KDM2B: variants seen among roughly 807,000 people sequenced by gnomAD.
KDM2B encodes the protein lysine demethylase 2B.
KDM2B carries 26 observed loss-of-function variants against 150.0 expected under a neutral mutation model. The observed-to-expected ratio is 0.17, with a 90% confidence interval of 0.13 to 0.24. The LOEUF is 0.24. Ranked by LOEUF, KDM2B falls within the 10% of genes least tolerant of loss-of-function variation. The probability of loss-of-function intolerance (pLI) is 1.00; values close to 1 mark genes in which losing one functional copy is unlikely to be tolerated. For missense variants in KDM2B, 1,265 were observed against 1,816.9 expected, an observed-to-expected ratio of 0.70 and a Z score of 5.52; for synonymous variants, 734 against 729.5, an observed-to-expected ratio of 1.01 and a Z score of -0.10.
chr12:121,580,256 G>C (rs567669968), intron 1 of KDM2B: 57 of 1,276,730 alleles, frequency 4.5e-5, no homozygotes, highest in East Asian at 9.1e-5. Flanking sequence ...CAGTTGTGGG[G>C]GGGGGGAGGC....
At chr12:121,451,579 G>A (rs550253659) in intron 13 of KDM2B, among the ~76,000 whole-genome samples, 3 of 152,308 alleles carry the variant, frequency 2.0e-5, no homozygotes, top group South Asian at 2.1e-4. Context: ...CAGGCAAGAG[G>A]TGAAAGCAAT....
rs1194995379 is a variant in KDM2B at position 121,467,113 on chromosome 12, G to C, written c.1735-13769C>G. The C allele has an allele frequency of 9.2e-7, 1 of 1,090,552 alleles. No homozygotes were observed. The highest frequency in any genetic ancestry group is 1.1e-6 in the Non-Finnish European group (1 of 872,080). The allele number at this position is 1,090,552 out of a possible 1,614,324, so 67.6% of individuals were successfully genotyped here. A position where few individuals can be genotyped will look rare whatever the true frequency, so the allele number is the denominator to read the frequency against. On this transcript the variant is annotated intron_variant, in intron 12 of 22. Coordinates refer to ENST00000377071, the MANE Select transcript of KDM2B (RefSeq NM_032590.5). This position sits in a 1 kb window ranked among gnomAD's most constrained non-coding sequence, Gnocchi z 5.1. Reference sequence around the variant, plus strand: ...GGCGCGTCAGACAGGCGGTCGGGAGGTCGTGCGGCGGGTCCCTCCCTCAGC... The same window carrying C: ...GGCGCGTCAGACAGGCGGTCGGGAGCTCGTGCGGCGGGTCCCTCCCTCAGC...
At position 121,442,115 on chromosome 12, in the gene KDM2B, G is replaced by GCCT; in HGVS notation, c.3284+39_3284+41dup. 1.3e-6 allele frequency: 2 copies of GCCT among 1,557,798 alleles called. No individual in the cohort carries two copies. Among genetic ancestry groups the GCCT allele is most frequent in the Non-Finnish European group, 1.8e-6 (2 of 1,131,238 alleles). ...CACACCACGGGCCATCCCTGGTGCC[G>GCCT]CCTGAGCCTTAACCTAGAGCCCTAC... On this transcript the variant is annotated intron_variant, in intron 19 of 22. Transcript: ENST00000377071. This position sits in a 1 kb window ranked among gnomAD's most constrained non-coding sequence, Gnocchi z 7.7.
At chr12:121,443,650 G>T (rs371229389) in intron 17 of KDM2B, 30 bp downstream of exon 17, 85 of 1,381,496 alleles carry the variant, frequency 6.2e-5, no homozygotes, top group Non-Finnish European at 8.6e-5. Flanking sequence ...AGTCCCCGGG[G>T]CCTCAGGAGG....
At chr12:121,458,163 G>A (rs1166415359) in intron 12 of KDM2B, among the ~76,000 whole-genome samples, 7 of 151,418 alleles carry the variant, frequency 4.6e-5, no homozygotes, top group South Asian at 2.1e-4. Flanking sequence ...TAGGCAGATC[G>A]CTTGAGCTCA....
intron 4 of KDM2B, among the ~76,000 whole-genome samples, chr12:121,568,188 G>T (rs1392799402): frequency 1.3e-5 from 2 of 152,070 alleles, no homozygotes; most frequent in East Asian, 3.9e-4. Context: ...CGAAACAAAG[G>T]CCAGGTGCAG....
rs782062461 is a variant in KDM2B at position 121,509,746 on chromosome 12, A to G, written c.1468T>C (p.Tyr490His). 162 of 1,613,972 alleles carry G rather than the reference A, an allele frequency of 1.0e-4. No homozygotes were observed. Among genetic ancestry groups the G allele is most frequent in the Middle Eastern group, 3.3e-4 (2 of 6,084 alleles). ...GGAGAGCCGGTGGGGGTCTTGGGGT[A>G]GTCTACGGCCAATGTGGTGGACTTC... is the stretch of plus-strand genomic sequence containing the variant. ...SVKSTTLAVDYPKTPTGSPAT... is the reference protein window; with the variant it reads ...SVKSTTLAVDHPKTPTGSPAT... Residue 490 changes from tyrosine (Y) to histidine (H), a missense_variant, in exon 11 of 23, where the codon TAC becomes CAC. Transcript: ENST00000377071.
At chr12:121,526,744 T>C (rs1887167048) in intron 8 of KDM2B, among the ~76,000 whole-genome samples, 1 of 151,784 alleles carries the variant, frequency 6.6e-6, no homozygotes, top group Non-Finnish European at 1.5e-5. Context: ...ATTTAAAAAT[T>C]TTTTTAGCCG....
intron 17 of KDM2B, 168 bp downstream of exon 17, chr12:121,443,512 C>G (rs1051159679): frequency 9.7e-6 from 6 of 620,976 alleles, no homozygotes; most frequent in African/African-American, 1.8e-5. Flanking sequence ...TAGGCACAGA[C>G]AGCTTCCCAG....
chr12:121,567,765 T>C (rs1477503436), intron 4 of KDM2B, among the ~76,000 whole-genome samples: 1 of 147,890 alleles, frequency 6.8e-6, no homozygotes, highest in Non-Finnish European at 1.5e-5. Context: ...GGCTGGAGTA[T>C]AGTGGTGCAA....
At chr12:121,551,764 G>A (rs1344757355) in intron 4 of KDM2B, among the ~76,000 whole-genome samples, 2 of 151,950 alleles carry the variant, frequency 1.3e-5, no homozygotes, top group African/African-American at 4.8e-5. Context: ...TATTGGCCAG[G>A]CTGGTCTTGA....
chr12:121,559,346 G>A (rs781836107), intron 4 of KDM2B, among the ~76,000 whole-genome samples: 3 of 151,780 alleles, frequency 2.0e-5, no homozygotes, highest in Non-Finnish European at 2.9e-5. Flanking sequence ...TCTATGGGAG[G>A]GGTGGGAGGG....
intron 12 of KDM2B, among the ~76,000 whole-genome samples, chr12:121,490,036 G>T (rs1317067902): frequency 1.3e-5 from 2 of 152,218 alleles, no homozygotes; most frequent in African/African-American, 4.8e-5. Flanking sequence ...GGACCCGCCG[G>T]AAGCACTCGG....
At chr12:121,493,151 T>C (rs1555300250) in intron 12 of KDM2B, among the ~76,000 whole-genome samples, 2 of 137,808 alleles carry the variant, frequency 1.5e-5, no homozygotes. Context: ...CAGGTGATCC[T>C]CCCCCCTCAG....
intron 11 of KDM2B, among the ~76,000 whole-genome samples, chr12:121,502,975 T>G (rs1555302310): frequency 7.0e-6 from 1 of 141,852 alleles, no homozygotes; most frequent in African/African-American, 2.9e-5. Flanking sequence ...CAGGTTTTTT[T>G]GTGGGTTTTT....
chr12:121,545,109 C>A (rs1445970506), intron 6 of KDM2B, among the ~76,000 whole-genome samples: 1 of 152,130 alleles, frequency 6.6e-6, no homozygotes, highest in Non-Finnish European at 1.5e-5. Context: ...GAAACAATGT[C>A]ATCTTAATTA....
intron 9 of KDM2B, chr12:121,516,649 C>A (rs1468727278): frequency 6.8e-6 from 5 of 731,438 alleles, no homozygotes; most frequent in Non-Finnish European, 1.1e-5. Flanking sequence ...ATGCTCCCAG[C>A]CTGCAGGTCA....
At chr12:121,444,378 CA>C (rs1875759624) in intron 15 of KDM2B, 71 bp downstream of exon 15, 2 of 1,607,730 alleles carry the variant, frequency 1.2e-6, no homozygotes, top group African/African-American at 2.7e-5. Context: ...ACTCCTGGGA[CA>C]GGCTGGTCCC....
intron 4 of KDM2B, among the ~76,000 whole-genome samples, chr12:121,565,853 C>T (rs1223083067): frequency 6.6e-6 from 1 of 152,094 alleles, no homozygotes; most frequent in Non-Finnish European, 1.5e-5. Context: ...TCTCGAACTC[C>T]TGACCTGAGG....
Sources: allele counts gnomAD v4.1 joint callset (sites outside exome capture counted in the v4.1 genomes callset), GRCh38; gene constraint gnomAD v4.1.1; non-coding constraint Gnocchi (gnomAD v3.1); transcripts MANE v1.5; gene names NCBI Gene and HGNC (gene_info 2026-07-23, HGNC 2026-07-21).